Variants in POMGNT2 observed in about 807,000 individuals in gnomAD.
POMGNT2 encodes the protein protein O-linked-mannose beta-1,4-N-acetylglucosaminyltransferase 2.
In POMGNT2, 32 loss-of-function variants were observed where a neutral mutation model predicts 37.8. The observed-to-expected ratio is 0.85, with a 90% CI of 0.64 to 1.14. The LOEUF (loss-of-function observed/expected upper bound fraction) is 1.14, where lower values mean the gene tolerates loss of function less well. Ranked by LOEUF, POMGNT2 falls within the 50% of genes most tolerant of loss-of-function variation. POMGNT2 has a pLI of 0.00. For missense variants in POMGNT2, 705 were observed against 780.6 expected (o/e 0.90, Z 1.15); for synonymous variants, 340 against 336.8 (o/e 1.01, Z -0.10).
At chr3:43,105,456 C>T (rs978333252) in intron 1 of POMGNT2, among the ~76,000 whole-genome samples, 10 of 152,050 alleles carry the variant, frequency 6.6e-5, no homozygotes, top group Non-Finnish European at 1.5e-4. Flanking sequence ...GCCAAATGTG[C>T]ACCACCCATC....
At chr3:43,084,648 C>CA (rs58875803) in intron 1 of POMGNT2, among the ~76,000 whole-genome samples, 2,029 of 117,068 alleles carry the variant, frequency 0.017, 41 homozygotes, top group African/African-American at 0.057. Context: ...GACTCCGTCT[C>CA]AAAAAAAAAA....
intron 1 of POMGNT2, among the ~76,000 whole-genome samples, chr3:43,095,088 T>C (rs1375339112): frequency 2.0e-5 from 3 of 151,678 alleles, no homozygotes; most frequent in Admixed American, 2.0e-4. Flanking sequence ...GTGCAATTTG[T>C]CTCCATTTTC....
At chr3:43,089,009 C>G (rs1390037573) in intron 1 of POMGNT2, among the ~76,000 whole-genome samples, 1 of 152,208 alleles carries the variant, frequency 6.6e-6, no homozygotes, top group Non-Finnish European at 1.5e-5. Context: ...GCTCTGTGCT[C>G]TAGCTTAGGG....
chr3:43,081,536 C>T lies in POMGNT2; in HGVS notation c.-105G>A. 3.1e-6 allele frequency: 3 copies of T among 966,330 alleles called. No individual in the cohort carries two copies. Among genetic ancestry groups the T allele is most frequent in the Non-Finnish European group, 4.5e-6 (3 of 665,998 alleles). The allele number at this position is 966,330 out of a possible 1,614,324, so 59.9% of individuals were successfully genotyped here. A position where few individuals can be genotyped will look rare whatever the true frequency, so the allele number is the denominator to read the frequency against. ...TGGGCATCCTGAGAACTGGTGAAAG[C>T]CTGCAGGAGGAGAGAAGGAAAAGAA... On this transcript the variant is annotated splice_region_variant and 5_prime_UTR_variant, in exon 2 of 2. Coordinates refer to ENST00000344697, the MANE Select transcript of POMGNT2 (RefSeq NM_032806.6).
intron 1 of POMGNT2, chr3:43,088,069 A>G (rs1000081100): frequency 6.6e-6 from 1 of 152,238 alleles, no homozygotes; most frequent in African/African-American, 2.4e-5. Context: ...ATCAGGTTCA[A>G]CCTAACATGT....
At chr3:43,090,402 A>G (rs2089933455) in intron 1 of POMGNT2, 1 of 152,236 alleles carries the variant, frequency 6.6e-6, no homozygotes, top group African/African-American at 2.4e-5. Flanking sequence ...CCACCAACTA[A>G]GAACTACTGT....
In POMGNT2 at chr3:43,080,634, C is replaced by G; in HGVS notation, c.798G>C (p.Gln266His). Residue 266 changes from glutamine to histidine, a missense_variant, in exon 2 of 2, where the codon CAG (glutamine) becomes CAC (histidine). Transcript: ENST00000344697. ...NILVSGNEIRQFARFMTEKLN... is the reference protein window; with the variant it reads ...NILVSGNEIRHFARFMTEKLN... ...GCTTTTCTGTCATGAACCGTGCAAA[C>G]TGCCGGATCTCATTGCCTGAGACGA... is the stretch of plus-strand genomic sequence containing the variant. 6.2e-7 allele frequency: 1 copy of G among 1,614,242 alleles called. No homozygotes were observed. The highest frequency in any genetic ancestry group is 1.6e-4 in the Middle Eastern group (1 of 6,062).
At chr3:43,101,549 C>A (rs2090019238) in intron 1 of POMGNT2, among the ~76,000 whole-genome samples, 1 of 152,168 alleles carries the variant, frequency 6.6e-6, no homozygotes. Context: ...TTCAGACCTG[C>A]AGAACCAGAA....
intron 1 of POMGNT2, among the ~76,000 whole-genome samples, chr3:43,089,634 T>TG (rs1469970272): frequency 6.6e-6 from 1 of 152,004 alleles, no homozygotes; most frequent in Non-Finnish European, 1.5e-5. Context: ...AGTGTTAGAA[T>TG]GGGGGGCCTA....
rs539058846 is a variant in POMGNT2, at chr3:43,104,203, T to C, written c.-106+1633A>G. ...ACGGACTCCAAAGCCCGTGATGACA[T>C]TTGCAGGTTCCACCTTTCACATTCA... is the stretch of plus-strand genomic sequence containing the variant. On this transcript the variant is annotated intron_variant, in intron 1 of 1. Transcript: ENST00000344697. Among the ~76,000 whole-genome samples, 9 of 152,272 alleles carry C rather than the reference T, an allele frequency of 5.9e-5. No individual in the cohort carries two copies. The South Asian group carries it at 1.9e-3, about 32-fold the overall frequency.
intron 1 of POMGNT2, among the ~76,000 whole-genome samples, chr3:43,095,169 T>C (rs1490350240): frequency 6.6e-6 from 1 of 152,230 alleles, no homozygotes; most frequent in African/African-American, 2.4e-5. Context: ...CACGTCCACC[T>C]GTGCTGCCTC....
intron 1 of POMGNT2, among the ~76,000 whole-genome samples, chr3:43,105,209 G>T (rs2090048931): frequency 6.6e-6 from 1 of 152,190 alleles, no homozygotes; most frequent in Non-Finnish European, 1.5e-5. Flanking sequence ...AGCTGGAGAC[G>T]GGTTCCTAAA....
chr3:43,083,173 A>T (rs1219193831), intron 1 of POMGNT2, among the ~76,000 whole-genome samples: 1 of 152,220 alleles, frequency 6.6e-6, no homozygotes, highest in Non-Finnish European at 1.5e-5. Context: ...ACCGTGACCA[A>T]GTATCATACA....
Position 43,081,258 on chromosome 3 carries a change from C to A in POMGNT2, c.174G>T (p.Gln58His). The A allele has an allele frequency of 4.3e-6, 7 of 1,613,772 alleles. No individual in the cohort carries two copies. The highest frequency in any genetic ancestry group is 5.9e-6 in the Non-Finnish European group (7 of 1,180,018). Residue 58 changes from glutamine (Q) to histidine (H), a missense_variant, in exon 2 of 2, where the codon CAG becomes CAT. Gln to His is a conservative substitution (Grantham distance 24). Coordinates refer to ENST00000344697, the MANE Select transcript of POMGNT2 (RefSeq NM_032806.6). ...TGTGTGTGCCGCCCTCCATCAGGAT[C>A]TGCAGTGCCTTCGGGTAGTCGATCC... ...ALRIDYPKAL[Q>H]ILMEGGTHMV...
At chr3:43,096,907 A>G (rs1270388645) in intron 1 of POMGNT2, among the ~76,000 whole-genome samples, 37 of 152,232 alleles carry the variant, frequency 2.4e-4, no homozygotes, top group Admixed American at 2.4e-3. Context: ...AAATGTTATC[A>G]GATCCCCAGA....
In POMGNT2 at chr3:43,081,016, G is replaced by A. The variant is rs2089849167; in HGVS notation, c.416C>T (p.Ala139Val). Residue 139 changes from alanine (A) to valine (V), a missense_variant, in exon 2 of 2, where the codon GCC (alanine) becomes GTC (valine). Physicochemically the swap from Ala to Val is moderately conservative, Grantham distance 64 (BLOSUM62 0). Transcript: ENST00000344697. ...CACCGGCTTGGGCATGAAGCGCAGG[G>A]CAGCAGCAGGCAGCTCCACGAAGTT... ...YFNFVELPAA[A>V]LRFMPKPVFV... The A allele has an allele frequency of 6.2e-7, 1 of 1,614,246 alleles. No individual in the cohort carries two copies. Among genetic ancestry groups the A allele is most frequent in the Non-Finnish European group, 8.5e-7 (1 of 1,180,046 alleles).
intron 1 of POMGNT2, among the ~76,000 whole-genome samples, chr3:43,091,673 G>C (rs1263007889): frequency 1.3e-5 from 2 of 152,218 alleles, no homozygotes; most frequent in Non-Finnish European, 2.9e-5. Flanking sequence ...AACTACAGTA[G>C]AGAAGCCTGG....
chr3:43,099,460 A>G (rs1417190215), intron 1 of POMGNT2, among the ~76,000 whole-genome samples: 1 of 152,156 alleles, frequency 6.6e-6, no homozygotes, highest in Non-Finnish European at 1.5e-5. Flanking sequence ...AGCAAGCATC[A>G]CTGTCTAGTT....
chr3:43,100,916 C>T (rs1220570541), intron 1 of POMGNT2, among the ~76,000 whole-genome samples: 2 of 152,160 alleles, frequency 1.3e-5, no homozygotes, highest in Non-Finnish European at 2.9e-5. Flanking sequence ...ACAACCCCAC[C>T]CTATGTGAGT....
Sources: gnomAD v4.1 joint callset for allele counts (sites outside exome capture counted in the v4.1 genomes callset) on GRCh38, gnomAD v4.1.1 for gene constraint, MANE v1.5 for transcripts, NCBI Gene and HGNC (gene_info 2026-07-23, HGNC 2026-07-21) for gene names.